The following ANK3 variants were observed in gnomAD, a reference collection of about 807,000 sequenced individuals.
ANK3 encodes the protein ankyrin-3.
Under a neutral mutation model 370.9 loss-of-function variants are expected in ANK3, and 57 were observed. The ratio of observed to expected loss-of-function variants is 0.15; its 90% CI spans 0.12 to 0.19. ANK3 has a LOEUF of 0.19. ANK3 is among the 10% of genes least tolerant of loss of function. ANK3 has a pLI of 1.00. For missense variants in ANK3, 4,439 were observed against 5,302.1 expected (o/e 0.84, Z 5.06); for synonymous variants, 1,929 against 1,946.3 (o/e 0.99, Z 0.23).
chr10:60,365,994 A>T (rs2059334876), intron 1 of ANK3, among the ~76,000 whole-genome samples: 1 of 152,210 alleles, frequency 6.6e-6, no homozygotes, highest in Admixed American at 6.5e-5. Context: ...AAGTTGTACC[A>T]AACCTTAGTC....
At chr10:60,190,762 A>G (rs1010826755) in intron 16 of ANK3, among the ~76,000 whole-genome samples, 33 of 152,234 alleles carry the variant, frequency 2.2e-4, no homozygotes, top group Admixed American at 1.9e-3. Context: ...ACCAAAAGGG[A>G]GCCCAAATAG....
At chr10:60,495,315 G>A (rs2075626437) in intron 2 of ANK3, among the ~76,000 whole-genome samples, 1 of 152,308 alleles carries the variant, frequency 6.6e-6, no homozygotes, top group South Asian at 2.1e-4. Context: ...GTCCAGGGAT[G>A]AGCAGCATTG....
At position 60,114,341 on chromosome 10, in the gene ANK3, A is replaced by T. The variant is rs919603257; in HGVS notation, c.2842-10T>A. ...TTGTGAATGTTAGATGCTGAAAAAT[A>T]AAATGGTAAATTAAATTACATCAAC... On this transcript the variant is annotated splice_polypyrimidine_tract_variant and intron_variant, in intron 25 of 43. Transcript: ENST00000280772. 2 of 1,509,290 alleles carry T rather than the reference A, an allele frequency of 1.3e-6. No individual in the cohort carries two copies. Among genetic ancestry groups the T allele is most frequent in the Admixed American group, 3.5e-5 (2 of 56,706 alleles). The allele number at this position is 1,509,290 out of a possible 1,614,324, so 93.5% of individuals were successfully genotyped here.
intron 2 of ANK3, among the ~76,000 whole-genome samples, chr10:60,607,576 T>A (rs536911784): frequency 2.6e-5 from 4 of 152,166 alleles, no homozygotes; most frequent in Non-Finnish European, 5.9e-5. Flanking sequence ...CAAGTACCTA[T>A]CAGCATAGTG....
At chr10:60,434,136 C>T (rs1022501453) in intron 2 of ANK3, among the ~76,000 whole-genome samples, 3 of 152,178 alleles carry the variant, frequency 2.0e-5, no homozygotes, top group Non-Finnish European at 4.4e-5. Flanking sequence ...TTCAAAACCT[C>T]TATGGAATAT....
intron 2 of ANK3, among the ~76,000 whole-genome samples, chr10:60,412,350 T>C (rs2063577154): frequency 6.6e-6 from 1 of 152,136 alleles, no homozygotes; most frequent in Admixed American, 6.5e-5. Flanking sequence ...TCCTGCCTGA[T>C]TGCCTGAACT....
chr10:60,618,192 T>C (rs996452922), intron 1 of ANK3, among the ~76,000 whole-genome samples: 1 of 152,156 alleles, frequency 6.6e-6, no homozygotes, highest in Non-Finnish European at 1.5e-5. Flanking sequence ...CTATTTTCCA[T>C]TGCAACCATG....
chr10:60,648,662 C>T (rs1447236397), intron 1 of ANK3, among the ~76,000 whole-genome samples: 3 of 150,160 alleles, frequency 2.0e-5, no homozygotes, highest in Non-Finnish European at 3.0e-5. Context: ...CCCAGCTACT[C>T]GGAAGGCTGA....
At chr10:60,046,982 A>T (rs1589216062) in intron 42 of ANK3, among the ~76,000 whole-genome samples, 1 of 151,660 alleles carries the variant, frequency 6.6e-6, no homozygotes, top group Non-Finnish European at 1.5e-5. Context: ...AATTTTTTGT[A>T]TTTTTTAGGA....
intron 25 of ANK3, among the ~76,000 whole-genome samples, chr10:60,120,593 T>C (rs999671147): frequency 6.6e-6 from 1 of 151,398 alleles, no homozygotes; most frequent in Non-Finnish European, 1.5e-5. Flanking sequence ...AACCGGAATA[T>C]ATAATGAGCT....
chr10:60,104,357 C>CAAAAAAAAAAAAAAAAAAAA (rs747064489), intron 28 of ANK3, among the ~76,000 whole-genome samples: 2 of 53,758 alleles, frequency 3.7e-5, no homozygotes, highest in Non-Finnish European at 6.8e-5. Context: ...GACTCCATCT[C>CAAAAAAAAAAAAAAAAAAAA]AAAAAAAAAA....
chr10:60,628,249 C>A (rs1173604084), intron 1 of ANK3, among the ~76,000 whole-genome samples: 1 of 151,990 alleles, frequency 6.6e-6, no homozygotes, highest in Non-Finnish European at 1.5e-5. Flanking sequence ...GTTCCAGAAC[C>A]CCATAGCTTG....
chr10:60,341,462 C>T (rs918509423), intron 1 of ANK3, among the ~76,000 whole-genome samples: 3 of 152,126 alleles, frequency 2.0e-5, no homozygotes, highest in Middle Eastern at 6.8e-3. Context: ...CCAATTAGGG[C>T]TCATAATTAA....
At chr10:60,405,966 T>C (rs760213773) in intron 2 of ANK3, among the ~76,000 whole-genome samples, 10 of 152,200 alleles carry the variant, frequency 6.6e-5, no homozygotes, top group Admixed American at 2.6e-4. Flanking sequence ...TCAGTTTACA[T>C]ATAATTTTCA....
At chr10:60,457,111 T>A (rs948535781) in intron 2 of ANK3, among the ~76,000 whole-genome samples, 2 of 152,114 alleles carry the variant, frequency 1.3e-5, no homozygotes, top group African/African-American at 4.8e-5. Context: ...TCTCTCTACC[T>A]TGACTTTAAC....
intron 2 of ANK3, among the ~76,000 whole-genome samples, chr10:60,452,029 T>A (rs935287534): frequency 1.3e-5 from 2 of 152,218 alleles, no homozygotes; most frequent in African/African-American, 4.8e-5. Context: ...TCTGCTGAAG[T>A]ACTTCACCTT....
rs2096582270 is a variant in ANK3 at position 60,196,127 on chromosome 10, C to T, written c.1887+18G>A. The stretch of plus-strand genomic sequence containing the variant: ...GACCTTACCCATCAGTCTCCTTAGG[C>T]TGTGGAATTATAGGTACCTTTGCGG... On this transcript the variant is annotated intron_variant, in intron 16 of 43. Transcript: ENST00000280772. 1 of 1,607,440 alleles carries T rather than the reference C, an allele frequency of 6.2e-7. No homozygotes were observed. Among genetic ancestry groups the T allele is most frequent in the Non-Finnish European group, 8.5e-7 (1 of 1,174,128 alleles).
At chr10:60,226,490 CATAT>C (rs1224910133) in intron 8 of ANK3, among the ~76,000 whole-genome samples, 2 of 63,410 alleles carry the variant, frequency 3.2e-5, no homozygotes, top group East Asian at 7.3e-4. Context: ...TATATATATA[CATAT>C]ACTATAGTAT....
At chr10:60,118,254 C>T (rs1646704898) in intron 25 of ANK3, among the ~76,000 whole-genome samples, 1 of 152,130 alleles carries the variant, frequency 6.6e-6, no homozygotes, top group Admixed American at 6.5e-5. Flanking sequence ...AATTTAAAAA[C>T]TTACTCTGAA....
Sources: gnomAD v4.1 joint callset for allele counts (sites outside exome capture counted in the v4.1 genomes callset) on GRCh38, gnomAD v4.1.1 for gene constraint, MANE v1.5 for transcripts, NCBI Gene and HGNC (gene_info 2026-07-23, HGNC 2026-07-21) for gene names.